Variants in AUTS2 observed in about 807,000 individuals in gnomAD.
AUTS2 encodes the protein activator of transcription and developmental regulator AUTS2.
AUTS2 carries 17 observed loss-of-function variants against 112.4 expected under a neutral mutation model. The ratio of observed to expected loss-of-function variants is 0.15; its 90% CI spans 0.10 to 0.23. The LOEUF (loss-of-function observed/expected upper bound fraction) is 0.23, where lower values mean the gene tolerates loss of function less well. Ranked by LOEUF, AUTS2 falls within the 10% of genes least tolerant of loss-of-function variation. The pLI, the probability that AUTS2 is intolerant of heterozygous loss-of-function variation, is 1.00. For synonymous variants in AUTS2, 751 were observed against 702.7 expected, an observed-to-expected ratio of 1.07 and a Z score of -1.09; for missense variants, 1,510 against 1,701.6, an observed-to-expected ratio of 0.89 and a Z score of 1.98.
intron 2 of AUTS2, among the ~76,000 whole-genome samples, chr7:69,911,420 G>T (rs991052644): frequency 2.0e-5 from 3 of 152,170 alleles, no homozygotes; most frequent in Admixed American, 6.5e-5. Flanking sequence ...GCAACGTGGC[G>T]AGCAGGGGGG....
chr7:70,134,462 A>C, intron 3 of AUTS2, 74 bp from the exon 4 acceptor site: 1 of 1,293,382 alleles, frequency 7.7e-7, no homozygotes, highest in Non-Finnish European at 1.1e-6. Context: ...AAGGGCTGGT[A>C]ATGAGCTGTG....
chr7:70,771,608 C>T lies in AUTS2; in HGVS notation c.1794C>T (p.Gly598=), dbSNP rs1585662673. 1.9e-6 allele frequency: 3 copies of T among 1,613,742 alleles called. No individual in the cohort carries two copies. The highest frequency in any genetic ancestry group is 2.5e-6 in the Non-Finnish European group (3 of 1,179,730). ...TCCCCCCTATGATCCCACCCACTGGCCCTTTTGGTTCACTACAAGGAGCAT... is the reference window on the plus strand; with the variant it reads ...TCCCCCCTATGATCCCACCCACTGGTCCTTTTGGTTCACTACAAGGAGCAT... The part of the protein sequence containing the change: ...SGIPPMIPPT[G]PFGSLQGAFQ... The change falls in exon 11 of 19, where the codon GGC becomes GGT. Residue 598 remains glycine (G), a synonymous_variant. Coordinates refer to ENST00000342771, the MANE Select transcript of AUTS2 (RefSeq NM_015570.4).
intron 5 of AUTS2, among the ~76,000 whole-genome samples, chr7:70,449,027 C>T (rs527418419): frequency 6.6e-6 from 1 of 152,152 alleles, no homozygotes; most frequent in Non-Finnish European, 1.5e-5. Context: ...CTTTTAAAGA[C>T]TCTTTTTGTT....
intron 1 of AUTS2, among the ~76,000 whole-genome samples, chr7:69,890,595 A>T (rs919740956): frequency 6.6e-6 from 1 of 151,958 alleles, no homozygotes; most frequent in East Asian, 1.9e-4. Flanking sequence ...ATGGGAGGGG[A>T]TGTAGCCAAA....
chr7:70,792,256 TTGTG>T lies in AUTS2; in HGVS notation c.*1265_*1268del, dbSNP rs542929052. The T allele has an allele frequency of 1.0e-4, 16 of 152,616 alleles. No individual in the cohort carries two copies. In the South Asian group the frequency reaches 3.1e-3, roughly 30 times the overall value. 9.5% of individuals were successfully genotyped at this position (152,616 alleles called of 1,614,324 possible). A position where few individuals can be genotyped will look rare whatever the true frequency, so the allele number is the denominator to read the frequency against. ...GTGAAAGATGGCAGAAAAAAAAGTC[TTGTG>T]TGTGAGTGTGTTTTTTGAGTTTGCA... On this transcript the variant is annotated 3_prime_UTR_variant, in exon 19 of 19. Coordinates refer to ENST00000342771, the MANE Select transcript of AUTS2 (RefSeq NM_015570.4).
intron 2 of AUTS2, among the ~76,000 whole-genome samples, chr7:70,116,759 C>T (rs1453807700): frequency 6.6e-6 from 1 of 152,164 alleles, no homozygotes; most frequent in Non-Finnish European, 1.5e-5. Context: ...CTTTTAAAAT[C>T]CAAGGCTTCA....
intron 4 of AUTS2, chr7:70,291,070 A>G (rs1484635060): frequency 6.6e-6 from 1 of 152,194 alleles, no homozygotes; most frequent in Non-Finnish European, 1.5e-5. Flanking sequence ...CCAATGGAAT[A>G]TTCTGTAATA....
At chr7:69,778,261 T>A (rs1788984374) in intron 1 of AUTS2, among the ~76,000 whole-genome samples, 5 of 136,544 alleles carry the variant, frequency 3.7e-5, no homozygotes, top group South Asian at 4.7e-4. Flanking sequence ...TTTTTTTTTT[T>A]ACTCATTTGG....
At chr7:70,364,245 G>A (rs1330546160) in intron 4 of AUTS2, among the ~76,000 whole-genome samples, 1 of 151,906 alleles carries the variant, frequency 6.6e-6, no homozygotes, top group Admixed American at 6.6e-5. Context: ...GCACCTAGTA[G>A]GCAGTCAGTA....
At chr7:70,284,740 T>C (rs1280641075) in intron 4 of AUTS2, among the ~76,000 whole-genome samples, 1 of 152,162 alleles carries the variant, frequency 6.6e-6, no homozygotes, top group Middle Eastern at 3.2e-3. Context: ...AAGATGAAAC[T>C]GATAGAAAAT....
chr7:69,964,521 G>T (rs556627390), intron 2 of AUTS2, among the ~76,000 whole-genome samples: 7 of 152,210 alleles, frequency 4.6e-5, no homozygotes, highest in Admixed American at 2.6e-4. Flanking sequence ...TGGGGAATTT[G>T]TTATCTCTTT....
In AUTS2 at chr7:69,897,916, T is replaced by C. The variant is rs74373614; in HGVS notation, c.310-1370T>C. ...TATTGCAGCAGAACAGTGAGAAAAT[T>C]GGATGTGAAAGGGAGGAAAGAGAGC... On this transcript the variant is annotated intron_variant, in intron 1 of 18. Coordinates refer to ENST00000342771, the MANE Select transcript of AUTS2 (RefSeq NM_015570.4). 2.9e-3 allele frequency among the ~76,000 whole-genome samples: 447 copies of C among 152,118 alleles called. 5 individuals carry two copies. Among genetic ancestry groups the C allele is most frequent in the African/African-American group, 0.01 (432 of 41,496 alleles).
intron 1 of AUTS2, among the ~76,000 whole-genome samples, chr7:69,843,270 G>A (rs1792058917): frequency 6.6e-6 from 1 of 152,172 alleles, no homozygotes; most frequent in Non-Finnish European, 1.5e-5. Flanking sequence ...AAAATGTAAA[G>A]GGGCAAACCA....
At chr7:70,679,970 C>A (rs769826354) in intron 5 of AUTS2, among the ~76,000 whole-genome samples, 3 of 152,178 alleles carry the variant, frequency 2.0e-5, no homozygotes, top group African/African-American at 7.2e-5. Context: ...CAACTGACAG[C>A]GGCACGGAGC....
intron 4 of AUTS2, among the ~76,000 whole-genome samples, chr7:70,271,543 A>T (rs1375845316): frequency 2.0e-5 from 3 of 152,196 alleles, no homozygotes; most frequent in Non-Finnish European, 4.4e-5. Flanking sequence ...CAGGGTTTAT[A>T]AAAAAAGATT....
intron 5 of AUTS2, among the ~76,000 whole-genome samples, chr7:70,626,396 C>CT (rs1446609460): frequency 1.3e-4 from 18 of 135,240 alleles, no homozygotes; most frequent in Non-Finnish European, 1.8e-4. Context: ...TATGTAAAAA[C>CT]TTTTTTTTTT....
At chr7:70,170,351 C>T (rs1274692631) in intron 4 of AUTS2, among the ~76,000 whole-genome samples, 2 of 151,946 alleles carry the variant, frequency 1.3e-5, no homozygotes, top group Admixed American at 6.6e-5. Flanking sequence ...GGGGCTTCAC[C>T]GTGTTGTCAA....
chr7:70,330,668 A>T (rs962665338), intron 4 of AUTS2, among the ~76,000 whole-genome samples: 1 of 152,208 alleles, frequency 6.6e-6, no homozygotes, highest in African/African-American at 2.4e-5. Context: ...CAAAAAGATC[A>T]CTAGAATTTT....
At chr7:70,147,839 T>G (rs371320041) in intron 4 of AUTS2, among the ~76,000 whole-genome samples, 5 of 152,124 alleles carry the variant, frequency 3.3e-5, no homozygotes, top group African/African-American at 1.2e-4. Context: ...GCATGATCAC[T>G]GAATGGCACT....
Sources: allele counts gnomAD v4.1 joint callset (sites outside exome capture counted in the v4.1 genomes callset), GRCh38; gene constraint gnomAD v4.1.1; transcripts MANE v1.5; gene names NCBI Gene and HGNC (gene_info 2026-07-23, HGNC 2026-07-21).